SLC12A3: variants seen among roughly 807,000 people sequenced by gnomAD.
SLC12A3 encodes Na-Cl cotransporter.
SLC12A3 carries 104 observed loss-of-function variants against 121.0 expected under a neutral mutation model. That is an observed-to-expected ratio of 0.86 (90% CI 0.73 to 1.01). The LOEUF is 1.01. Among genes scored for constraint, SLC12A3 ranks in the 50% least tolerant of loss-of-function variants. The pLI is 0.00. For missense variants in SLC12A3, 1,328 were observed against 1,356.3 expected (o/e 0.98, Z 0.33); for synonymous variants, 536 against 533.4 (o/e 1.00, Z -0.07).
chr16:56,890,503 C>A, intron 19 of SLC12A3, 147 bp downstream of exon 19: 4 of 709,318 alleles, frequency 5.6e-6, no homozygotes, highest in Non-Finnish European at 1.0e-5. Context: ...ATCAGTTTTC[C>A]CAGAAAGAGA....
intron 15 of SLC12A3, among the ~76,000 whole-genome samples, chr16:56,885,891 A>T (rs2055304582): frequency 6.6e-6 from 1 of 152,244 alleles, no homozygotes; most frequent in South Asian, 2.1e-4. Flanking sequence ...ACTGAGGCAC[A>T]GAGAGGTTAA....
At position 56,865,358 on chromosome 16, in the gene SLC12A3, C is replaced by A. The variant is rs757975762; in HGVS notation, c.123C>A (p.His41Gln). ...PSPPAAYDSSHPSHLTHSSTF... is the reference protein window; with the variant it reads ...PSPPAAYDSSQPSHLTHSSTF... ...CACCAGCTGCCTATGACAGCAGCCA[C>A]CCCAGCCACCTGACCCACAGCAGCA... The change falls in exon 1 of 26, where the codon CAC becomes CAA. Residue 41 changes from histidine to glutamine, a missense_variant. His to Gln is a conservative substitution (Grantham distance 24). Transcript: ENST00000563236. 1.9e-6 allele frequency: 3 copies of A among 1,614,066 alleles called. No individual in the cohort carries two copies. Among genetic ancestry groups the A allele is most frequent in the South Asian group, 2.2e-5 (2 of 91,094 alleles).
intron 24 of SLC12A3, 75 bp downstream of exon 24, chr16:56,902,583 C>A: frequency 6.4e-7 from 1 of 1,562,396 alleles, no homozygotes; most frequent in Non-Finnish European, 8.8e-7. Flanking sequence ...GTCTTGAGCT[C>A]CCCCAGCCCC....
chr16:56,900,518 T>TA lies in SLC12A3; in HGVS notation c.2720+902_2720+903insA, dbSNP rs749946178. Among the ~76,000 whole-genome samples, 1,178 of 144,574 alleles carry TA rather than the reference T, an allele frequency of 8.1e-3. 11 individuals carry two copies. Among genetic ancestry groups the TA allele is most frequent in the Non-Finnish European group, 0.011 (715 of 66,714 alleles). The allele number at this position is 144,574 out of a possible 152,430, so 94.8% of individuals were successfully genotyped here. On this transcript the variant is annotated intron_variant, in intron 23 of 25. Coordinates refer to ENST00000563236, the MANE Select transcript of SLC12A3 (RefSeq NM_001126108.2). ...CATACAGACCCCATCTAGCATCTGA[T>TA]TTTTATTTATTTATTTATTTATTTA... is the stretch of plus-strand genomic sequence containing the variant.
intron 25 of SLC12A3, among the ~76,000 whole-genome samples, chr16:56,910,390 C>T (rs1298251594): frequency 1.3e-5 from 2 of 152,132 alleles, no homozygotes; most frequent in African/African-American, 4.8e-5. Flanking sequence ...GGCTAGAGAG[C>T]AGTAGTGAGA....
chr16:56,888,190 G>T (rs1353473823), intron 18 of SLC12A3, among the ~76,000 whole-genome samples, 159 bp downstream of exon 18: 8 of 152,212 alleles, frequency 5.3e-5, no homozygotes, highest in Non-Finnish European at 5.9e-5. Context: ...GAGGCAGGAA[G>T]CTCACTTGAG....
chr16:56,914,527 T>C lies in SLC12A3; in HGVS notation c.*1122T>C, dbSNP rs2055729292. 2 of 152,246 alleles carry C rather than the reference T, an allele frequency of 1.3e-5. No individual in the cohort carries two copies. The highest frequency in any genetic ancestry group is 1.3e-4 in the Admixed American group (2 of 15,278). The allele number at this position is 152,246 out of a possible 1,614,324, so 9.4% of individuals were successfully genotyped here. On this transcript the variant is annotated 3_prime_UTR_variant, in exon 26 of 26. Coordinates refer to ENST00000563236, the MANE Select transcript of SLC12A3 (RefSeq NM_001126108.2). ...TGGGGACCCACACATTTGAAAGGCA[T>C]GGCCACCTTTCTGTTGTGCCTTGCA...
At chr16:56,900,501 C>A (rs1254920899) in intron 23 of SLC12A3, among the ~76,000 whole-genome samples, 1 of 128,482 alleles carries the variant, frequency 7.8e-6, no homozygotes, top group East Asian at 2.4e-4. Flanking sequence ...AACATACAGA[C>A]CCCATCTAGC....
chr16:56,878,037 T>TCG, intron 8 of SLC12A3, 40 bp from the exon 9 acceptor site: 1 of 421,400 alleles, frequency 2.4e-6, no homozygotes, highest in Non-Finnish European at 4.4e-6. Flanking sequence ...CCTCCCTCTC[T>TCG]CCCTCCCTCC....
intron 20 of SLC12A3, among the ~76,000 whole-genome samples, chr16:56,892,548 C>T (rs1253123541): frequency 1.3e-5 from 2 of 152,204 alleles, no homozygotes; most frequent in African/African-American, 4.8e-5. Flanking sequence ...TTGTCCCACC[C>T]CTGCCAAGGC....
At chr16:56,884,022 G>A (rs2144722995) in intron 13 of SLC12A3, 27 bp from the exon 14 acceptor site, 1 of 1,613,634 alleles carries the variant, frequency 6.2e-7, no homozygotes, top group Non-Finnish European at 8.5e-7. Flanking sequence ...TGCCAGGCAT[G>A]CCCACTGACT....
chr16:56,909,676 C>G (rs1450701507), intron 25 of SLC12A3, among the ~76,000 whole-genome samples: 1 of 152,018 alleles, frequency 6.6e-6, no homozygotes, highest in African/African-American at 2.4e-5. Context: ...TAGTGTTTCT[C>G]TACAAGTTCA....
intron 22 of SLC12A3, among the ~76,000 whole-genome samples, chr16:56,895,095 G>A (rs2055444165): frequency 6.6e-6 from 1 of 151,330 alleles, no homozygotes; most frequent in Admixed American, 6.6e-5. Flanking sequence ...GGATGGGCTG[G>A]GCCAAGGCAG....
rs1297250403 is a variant in SLC12A3, at chr16:56,914,299, C to T, written c.*894C>T. Reference sequence around the variant, plus strand: ...CTGGTTCTTTGGACGAGGGACTTTTCGAACTTTTTTGGTTGCAACACACAG... The same window carrying T: ...CTGGTTCTTTGGACGAGGGACTTTTTGAACTTTTTTGGTTGCAACACACAG... On this transcript the variant is annotated 3_prime_UTR_variant, in exon 26 of 26. Coordinates refer to ENST00000563236, the MANE Select transcript of SLC12A3 (RefSeq NM_001126108.2). 1.3e-5 allele frequency: 2 copies of T among 152,208 alleles called. No individual in the cohort carries two copies. Among genetic ancestry groups the T allele is most frequent in the Admixed American group, 6.5e-5 (1 of 15,278 alleles). The allele number at this position is 152,208 out of a possible 1,614,324, so 9.4% of individuals were successfully genotyped here. A position where few individuals can be genotyped will look rare whatever the true frequency, so the allele number is the denominator to read the frequency against.
At chr16:56,884,304 T>C (rs946177808) in intron 14 of SLC12A3, 100 bp downstream of exon 14, 4 of 1,276,704 alleles carry the variant, frequency 3.1e-6, no homozygotes, top group Non-Finnish European at 4.5e-6. Flanking sequence ...AGTCCGGCTC[T>C]GTGCTGTCCA....
intron 24 of SLC12A3, among the ~76,000 whole-genome samples, chr16:56,903,604 TCCAGAATC>T (rs147862863): frequency 0.036 from 5,474 of 152,208 alleles, 146 homozygotes; most frequent in African/African-American, 0.073. Context: ...CAGTGCAAGG[TCCAGAATC>T]CCTTACCCAC....
At chr16:56,870,528 A>G in intron 5 of SLC12A3, 98 bp from the exon 6 acceptor site, 1 of 864,258 alleles carries the variant, frequency 1.2e-6, no homozygotes, top group South Asian at 1.3e-5. Context: ...TCGTCCTAGC[A>G]GAGTGCACCG....
intron 6 of SLC12A3, among the ~76,000 whole-genome samples, chr16:56,871,585 C>G (rs2055098333): frequency 6.6e-6 from 1 of 152,190 alleles, no homozygotes; most frequent in African/African-American, 2.4e-5. Context: ...GCTGAATTCC[C>G]TGGACAGTTC....
chr16:56,887,926 C>A lies in SLC12A3; in HGVS notation c.2180C>A (p.Ala727Asp). 6.2e-7 allele frequency: 1 copy of A among 1,611,056 alleles called. No individual in the cohort carries two copies. The highest frequency in any genetic ancestry group is 8.5e-7 in the Non-Finnish European group (1 of 1,178,430). Residue 727 changes from alanine to aspartate, a missense_variant and splice_region_variant, in exon 18 of 26, where the codon GCC becomes GAC. Ala to Asp is a moderately radical substitution (Grantham distance 126). Transcript: ENST00000563236. ...LRRGVQILMQ[A>D]AGLGRMKPNI... Reference sequence around the variant, plus strand: ...CATCTCACCCCTATCCCCTGGCAGGCCGCAGGTCTCGGGAGAATGAAGCCC... The same window carrying A: ...CATCTCACCCCTATCCCCTGGCAGGACGCAGGTCTCGGGAGAATGAAGCCC...
Sources: allele counts gnomAD v4.1 joint callset (sites outside exome capture counted in the v4.1 genomes callset), GRCh38; gene constraint gnomAD v4.1.1; transcripts MANE v1.5; gene names NCBI Gene and HGNC (gene_info 2026-07-23, HGNC 2026-07-21).